Variants in ATP8B4 observed in about 807,000 individuals in gnomAD.
ATP8B4 encodes the protein probable phospholipid-transporting ATPase IM.
ATP8B4 carries 133 observed loss-of-function variants against 145.6 expected under a neutral mutation model. That is an observed-to-expected ratio of 0.91 (90% CI 0.79 to 1.05). The LOEUF (loss-of-function observed/expected upper bound fraction) is 1.05, where lower values mean the gene tolerates loss of function less well. Ranked by LOEUF, ATP8B4 falls within the 50% of genes least tolerant of loss-of-function variation. The probability of loss-of-function intolerance (pLI) is 0.00; values close to 1 mark genes in which losing one functional copy is unlikely to be tolerated. For missense variants in ATP8B4, 1,458 were observed against 1,425.2 expected (o/e 1.02, Z -0.37); for synonymous variants, 507 against 492.9 (o/e 1.03, Z -0.38).
intron 1 of ATP8B4, among the ~76,000 whole-genome samples, chr15:50,169,321 G>A (rs944121971): frequency 6.6e-5 from 10 of 152,178 alleles, no homozygotes; most frequent in Admixed American, 1.3e-4. Context: ...TGGTATTCAC[G>A]GCTGAGAGAC....
At chr15:50,159,072 C>A (rs1045437777) in intron 1 of ATP8B4, among the ~76,000 whole-genome samples, 7 of 152,196 alleles carry the variant, frequency 4.6e-5, no homozygotes, top group African/African-American at 1.7e-4. Flanking sequence ...CCAAATCCCC[C>A]TCTGCGAGAA....
intron 1 of ATP8B4, among the ~76,000 whole-genome samples, chr15:50,149,191 T>C (rs938805678): frequency 6.6e-6 from 1 of 152,202 alleles, no homozygotes; most frequent in Non-Finnish European, 1.5e-5. Context: ...CAGCCTAAGA[T>C]AATGCCATGA....
chr15:49,927,489 A>T (rs916124001), intron 16 of ATP8B4, among the ~76,000 whole-genome samples: 1 of 152,064 alleles, frequency 6.6e-6, no homozygotes, highest in African/African-American at 2.4e-5. Flanking sequence ...CCCTCTAAAA[A>T]TCCTCCTGAT....
Position 49,898,075 on chromosome 15 carries a change from C to T in ATP8B4, c.2466G>A (p.Met822Ile). The change falls in exon 22 of 28, where the codon ATG becomes ATA. Residue 822 changes from methionine (M) to isoleucine (I), a missense_variant. Coordinates refer to ENST00000284509, the MANE Select transcript of ATP8B4 (RefSeq NM_024837.4). ...GAGCAAATATCCTCTTACTTTTAAT[C>T]ATGCTGACATCATTGGCTCCATCAC... ...AIGDGANDVS[M>I]IKSAHIGVGI... 1 of 1,613,700 alleles carries T rather than the reference C, an allele frequency of 6.2e-7. No individual in the cohort carries two copies. Among genetic ancestry groups the T allele is most frequent in the Non-Finnish European group, 8.5e-7 (1 of 1,179,744 alleles).
intron 16 of ATP8B4, among the ~76,000 whole-genome samples, chr15:49,929,322 T>C (rs1451248573): frequency 6.6e-6 from 1 of 152,146 alleles, no homozygotes; most frequent in Non-Finnish European, 1.5e-5. Context: ...GGGACATGCA[T>C]GTTACATGCA....
In ATP8B4 at chr15:49,979,748, T is replaced by C. The variant is rs1472373851; in HGVS notation, c.903A>G (p.Gln301=). Residue 301 remains glutamine, a synonymous_variant, in exon 12 of 28, where the codon CAA becomes CAG. Coordinates refer to ENST00000284509, the MANE Select transcript of ATP8B4 (RefSeq NM_024837.4). ...LAIGNSIWES[Q]TGDQFRTFLF... ...GGAAAGTTCTGAATTGGTCCCCAGT[T>C]TGACTCTCCCAGATTGAATTTCCTA... 1.2e-6 allele frequency: 2 copies of C among 1,611,648 alleles called. No individual in the cohort carries two copies. Among genetic ancestry groups the C allele is most frequent in the South Asian group, 1.1e-5 (1 of 90,926 alleles).
At chr15:49,899,627 G>T (rs2037800870) in intron 21 of ATP8B4, among the ~76,000 whole-genome samples, 1 of 151,896 alleles carries the variant, frequency 6.6e-6, no homozygotes, top group Non-Finnish European at 1.5e-5. Context: ...GCCTAGAATG[G>T]TCTCTTTCTC....
At chr15:49,961,762 A>G (rs1480215857) in intron 14 of ATP8B4, among the ~76,000 whole-genome samples, 2 of 152,178 alleles carry the variant, frequency 1.3e-5, no homozygotes, top group Non-Finnish European at 2.9e-5. Flanking sequence ...TTGTATCTGC[A>G]TAAATATCTC....
intron 3 of ATP8B4, among the ~76,000 whole-genome samples, chr15:50,053,528 C>T (rs943665090): frequency 2.6e-5 from 4 of 152,238 alleles, no homozygotes; most frequent in African/African-American, 9.6e-5. Flanking sequence ...GCAGAGCCCT[C>T]GTTCTACTGC....
chr15:50,139,482 T>C (rs2044178844), intron 1 of ATP8B4, among the ~76,000 whole-genome samples: 1 of 152,108 alleles, frequency 6.6e-6, no homozygotes, highest in Non-Finnish European at 1.5e-5. Context: ...AAATACCCAA[T>C]GCGTGCAGAG....
At chr15:50,125,351 T>A (rs1454747538) in intron 1 of ATP8B4, among the ~76,000 whole-genome samples, 1 of 152,214 alleles carries the variant, frequency 6.6e-6, no homozygotes, top group Non-Finnish European at 1.5e-5. Context: ...TTTACCCTTT[T>A]AGTCTGTCCT....
chr15:49,962,489 T>C (rs941487031), intron 13 of ATP8B4, among the ~76,000 whole-genome samples: 2 of 152,214 alleles, frequency 1.3e-5, no homozygotes, highest in African/African-American at 2.4e-5. Flanking sequence ...CCTTAAACAA[T>C]GCCAGTACTT....
chr15:49,861,402 A>ATGTG (rs58396806), intron 27 of ATP8B4, among the ~76,000 whole-genome samples: 15,090 of 93,494 alleles, frequency 0.16, 1,205 homozygotes, highest in Middle Eastern at 0.22. Flanking sequence ...TTAAAAAAAA[A>ATGTG]TGTGTGTGTG....
rs145018159 is a variant in ATP8B4 at position 49,890,436 on chromosome 15, G to C, written c.2697+6856C>G. On this transcript the variant is annotated intron_variant, in intron 23 of 27. Transcript: ENST00000284509. ...TTAGGAGAGGGGTGGCAGGGAGTGG[G>C]AAGACCTCAGACAGCTGACTTTCTT... Among the ~76,000 whole-genome samples, 261 of 152,320 alleles carry C rather than the reference G, an allele frequency of 1.7e-3. 1 individual carries two copies. Among genetic ancestry groups the C allele is most frequent in the African/African-American group, 5.7e-3 (237 of 41,572 alleles).
intron 1 of ATP8B4, among the ~76,000 whole-genome samples, chr15:50,107,289 C>T (rs1205676969): frequency 2.0e-5 from 3 of 152,198 alleles, no homozygotes; most frequent in Non-Finnish European, 2.9e-5. Flanking sequence ...ATCTCAAATC[C>T]TGTGAATCAG....
chr15:50,132,106 G>A (rs758644083), intron 1 of ATP8B4, among the ~76,000 whole-genome samples: 9 of 151,894 alleles, frequency 5.9e-5, no homozygotes, highest in Non-Finnish European at 8.8e-5. Flanking sequence ...TGGCACCCCC[G>A]AAACCAACTT....
chr15:49,962,243 G>A (rs1286348356), intron 13 of ATP8B4, among the ~76,000 whole-genome samples: 1 of 152,178 alleles, frequency 6.6e-6, no homozygotes, highest in Non-Finnish European at 1.5e-5. Context: ...CTAAAGTGCA[G>A]TAGGCATTAA....
chr15:50,046,329 A>G (rs2051716681), intron 4 of ATP8B4, among the ~76,000 whole-genome samples: 1 of 151,056 alleles, frequency 6.6e-6, no homozygotes, highest in Non-Finnish European at 1.5e-5. Context: ...CTCTGACTTG[A>G]GTTGAAACCA....
At chr15:49,893,449 C>T (rs2037049702) in intron 23 of ATP8B4, among the ~76,000 whole-genome samples, 1 of 152,168 alleles carries the variant, frequency 6.6e-6, no homozygotes. Context: ...TATATACATA[C>T]AATGTAACAC....
Sources: allele counts gnomAD v4.1 joint callset (sites outside exome capture counted in the v4.1 genomes callset), GRCh38; gene constraint gnomAD v4.1.1; transcripts MANE v1.5; gene names NCBI Gene and HGNC (gene_info 2026-07-23, HGNC 2026-07-21).